Variants in STARD13 observed in about 807,000 individuals in gnomAD.
The protein encoded by STARD13 is stAR-related lipid transfer protein 13.
STARD13 carries 62 observed loss-of-function variants against 106.4 expected under a neutral mutation model. The observed-to-expected ratio is 0.58, with a 90% confidence interval of 0.48 to 0.72. The LOEUF is 0.72. Among genes scored for constraint, STARD13 ranks in the 30% least tolerant of loss-of-function variants. The pLI is 0.00. For synonymous variants in STARD13, 565 were observed against 553.0 expected (o/e 1.02, Z -0.31); for missense variants, 1,387 against 1,424.0 (o/e 0.97, Z 0.42).
intron 1 of STARD13, among the ~76,000 whole-genome samples, chr13:33,349,784 C>T (rs142191154): frequency 3.9e-5 from 6 of 152,236 alleles, no homozygotes; most frequent in Non-Finnish European, 2.9e-5. Context: ...CACATCCCCC[C>T]CTCTACCCCC....
In STARD13 at chr13:33,142,344, G is replaced by A. The variant is rs756573786; in HGVS notation, c.353C>T (p.Ser118Leu). 1.9e-6 allele frequency: 3 copies of A among 1,614,000 alleles called. No homozygotes were observed. Among genetic ancestry groups the A allele is most frequent in the Non-Finnish European group, 2.5e-6 (3 of 1,179,972 alleles). ...RRLNTLNKCA[S>L]MKLDVNFQRK... ...TTGGAAGTTCACATCAAGTTTCATT[G>A]AGGCACACTTGTTCAACGTATTTAG... The change falls in exon 4 of 14, where the codon TCA (serine) becomes TTA (leucine). Residue 118 changes from serine (S) to leucine (L), a missense_variant. Physicochemically the swap from Ser to Leu is moderately radical, Grantham distance 145. Coordinates refer to ENST00000336934, the MANE Select transcript of STARD13 (RefSeq NM_178006.4).
In STARD13 at chr13:33,106,831, C is replaced by T. The variant is rs1873786111; in HGVS notation, c.3151G>A (p.Asp1051Asn). The change falls in exon 13 of 14, where the codon GAC becomes AAC. Residue 1051 changes from aspartate (D) to asparagine (N), a missense_variant. Physicochemically the swap from Asp to Asn is conservative, Grantham distance 23. Transcript: ENST00000336934. The stretch of plus-strand genomic sequence containing the variant: ...CACGGTTCTATCAAGTACTGCGAGT[C>T]CATCACCACTGCTCGCACACCACCC... Reference protein sequence around the residue: ...LLGGVRAVVMDSQYLIEPCGS... With the variant: ...LLGGVRAVVMNSQYLIEPCGS... 6.2e-7 allele frequency: 1 copy of T among 1,614,042 alleles called. No individual in the cohort carries two copies. Among genetic ancestry groups the T allele is most frequent in the African/African-American group, 1.3e-5 (1 of 74,932 alleles).
At chr13:33,397,423 G>A in the STARD13 span, among the ~76,000 whole-genome samples, 1 of 152,184 alleles carries the variant, frequency 6.6e-6, no homozygotes, top group African/African-American at 2.4e-5. Context: ...GGCTCAGGGA[G>A]ACAGTGCAGA....
the STARD13 span, among the ~76,000 whole-genome samples, chr13:33,371,322 G>A: frequency 6.6e-6 from 1 of 152,142 alleles, no homozygotes; most frequent in Non-Finnish European, 1.5e-5. Flanking sequence ...GGGTCTGCGT[G>A]TGAAGTTGTC....
At chr13:33,256,493 C>T (rs1837274084) in intron 1 of STARD13, among the ~76,000 whole-genome samples, 2 of 152,242 alleles carry the variant, frequency 1.3e-5, no homozygotes, top group Admixed American at 1.3e-4. Context: ...AGTTCAGCAG[C>T]TAGCAAACTA....
intron 1 of STARD13, among the ~76,000 whole-genome samples, chr13:33,248,298 C>T (rs1271372815): frequency 1.3e-5 from 2 of 152,066 alleles, no homozygotes; most frequent in South Asian, 2.1e-4. Flanking sequence ...AATCCTGCCA[C>T]TGCACTCCAG....
Position 33,126,237 on chromosome 13 carries a change from T to C in STARD13, c.1926A>G (p.Ser642=). 1 of 1,613,568 alleles carries C rather than the reference T, an allele frequency of 6.2e-7. No individual in the cohort carries two copies. The highest frequency in any genetic ancestry group is 8.5e-7 in the Non-Finnish European group (1 of 1,179,702). The change falls in exon 7 of 14, where the codon TCA becomes TCG. Residue 642 remains serine, a synonymous_variant. Coordinates refer to ENST00000336934, the MANE Select transcript of STARD13 (RefSeq NM_178006.4). ...TCATCCTCTTCATGAACTTTGGAAC[T>C]GACCTAGAATTTACAGAAACCAGGT... The part of the protein sequence containing the change: ...SMSNKHGWTW[S]VPKFMKRMKV...
Position 33,103,489 on chromosome 13 carries a change from T to G in STARD13, c.*2104A>C, listed in dbSNP as rs1873335142. Reference sequence around the variant, plus strand: ...GGAGAATCAGAAATACAATCACATTTGTTCTTATTCTGTTTTAGGGATCTT... The same window carrying G: ...GGAGAATCAGAAATACAATCACATTGGTTCTTATTCTGTTTTAGGGATCTT... On this transcript the variant is annotated 3_prime_UTR_variant, in exon 14 of 14. Transcript: ENST00000336934. 6.5e-6 allele frequency: 1 copy of G among 152,678 alleles called. No homozygotes were observed. Among genetic ancestry groups the G allele is most frequent in the Non-Finnish European group, 1.5e-5 (1 of 68,050 alleles). The allele number at this position is 152,678 out of a possible 1,614,324, so 9.5% of individuals were successfully genotyped here. A position where few individuals can be genotyped will look rare whatever the true frequency, so the allele number is the denominator to read the frequency against.
the STARD13 span, among the ~76,000 whole-genome samples, chr13:33,543,616 CTCTT>C: frequency 6.6e-6 from 1 of 152,116 alleles, no homozygotes; most frequent in Non-Finnish European, 1.5e-5. Context: ...GTTAACTTGA[CTCTT>C]TGATTGTATT....
At chr13:33,579,249 C>A in the STARD13 span, among the ~76,000 whole-genome samples, 1 of 152,060 alleles carries the variant, frequency 6.6e-6, no homozygotes, top group Non-Finnish European at 1.5e-5. Context: ...GTGAAACCAA[C>A]CTAAGTGCCC....
At chr13:33,672,905 A>G in the STARD13 span, among the ~76,000 whole-genome samples, 5 of 152,240 alleles carry the variant, frequency 3.3e-5, no homozygotes, top group African/African-American at 1.2e-4. Flanking sequence ...TCTGTTCTGA[A>G]TGCTAGGATC....
upstream of STARD13, among the ~76,000 whole-genome samples, chr13:33,351,888 TCTACACTTCTG>T (rs895161915): frequency 6.6e-6 from 1 of 152,234 alleles, no homozygotes; most frequent in East Asian, 1.9e-4. Context: ...AAGTATTCCC[TCTACACTTCTG>T]CTACACTTCT....
At chr13:33,640,165 T>C in the STARD13 span, among the ~76,000 whole-genome samples, 1 of 152,184 alleles carries the variant, frequency 6.6e-6, no homozygotes, top group Non-Finnish European at 1.5e-5. Flanking sequence ...GATTTCTGTG[T>C]CTTAGGCACC....
the STARD13 span, among the ~76,000 whole-genome samples, chr13:33,529,870 A>C: frequency 6.6e-6 from 1 of 152,102 alleles, no homozygotes; most frequent in Non-Finnish European, 1.5e-5. Flanking sequence ...CCTAGGGGGT[A>C]CCGGTAGCAA....
chr13:33,302,394 C>A (rs1892754901), intron 1 of STARD13, among the ~76,000 whole-genome samples: 1 of 152,062 alleles, frequency 6.6e-6, no homozygotes, highest in African/African-American at 2.4e-5. Flanking sequence ...TAATTCTTTT[C>A]TTTCAAATTT....
chr13:33,574,373 AT>A, the STARD13 span, among the ~76,000 whole-genome samples: 1 of 152,196 alleles, frequency 6.6e-6, no homozygotes, highest in Non-Finnish European at 1.5e-5. Flanking sequence ...CAGTTAGACC[AT>A]TTCTAGTATT....
chr13:33,521,576 C>T, the STARD13 span, among the ~76,000 whole-genome samples: 3 of 151,838 alleles, frequency 2.0e-5, no homozygotes, highest in Non-Finnish European at 4.4e-5. Context: ...GGAAGGAATG[C>T]CTATTATAGA....
chr13:33,456,439 C>T, the STARD13 span, among the ~76,000 whole-genome samples: 1 of 152,208 alleles, frequency 6.6e-6, no homozygotes, highest in South Asian at 2.1e-4. Flanking sequence ...ATCTGCCCCC[C>T]TCAGCCTCCC....
chr13:33,123,946 G>T (rs565479), intron 7 of STARD13, among the ~76,000 whole-genome samples: 1 of 152,034 alleles, frequency 6.6e-6, no homozygotes, highest in Non-Finnish European at 1.5e-5. Context: ...GGATGTTCTC[G>T]TCTTCTGCAG....
Sources: allele counts gnomAD v4.1 joint callset (sites outside exome capture counted in the v4.1 genomes callset), GRCh38; gene constraint gnomAD v4.1.1; transcripts MANE v1.5; gene names NCBI Gene and HGNC (gene_info 2026-07-23, HGNC 2026-07-21).